RBMS2: variants seen among roughly 807,000 people sequenced by gnomAD.
The protein encoded by RBMS2 is RNA binding motif single stranded interacting protein 2.
In RBMS2, 38 loss-of-function variants were observed where a neutral mutation model predicts 58.4. That is an observed-to-expected ratio of 0.65 (90% CI 0.50 to 0.85). RBMS2 has a LOEUF of 0.85. Among genes scored for constraint, RBMS2 ranks in the 40% least tolerant of loss-of-function variants. The pLI, the probability that RBMS2 is intolerant of heterozygous loss-of-function variation, is 0.00. For missense variants in RBMS2, 367 were observed against 503.7 expected, an observed-to-expected ratio of 0.73 and a Z score of 2.60; for synonymous variants, 151 against 180.7, an observed-to-expected ratio of 0.84 and a Z score of 1.32.
In RBMS2 at chr12:56,581,828, T is replaced by G. The variant is rs181611123; in HGVS notation, c.733-5T>G. 3 of 1,614,186 alleles carry G rather than the reference T, an allele frequency of 1.9e-6. No individual in the cohort carries two copies. Among genetic ancestry groups the G allele is most frequent in the Non-Finnish European group, 2.5e-6 (3 of 1,180,016 alleles). ...CAATGTGAACACTGTGTTCTTTCTT[T>G]ATAGGGCGTCATGGCCTTGACCTAT... is the stretch of plus-strand genomic sequence containing the variant. On this transcript the variant is annotated splice_region_variant and splice_polypyrimidine_tract_variant and intron_variant, in intron 7 of 13. Transcript: ENST00000262031.
chr12:56,551,167 C>G (rs964990591), intron 1 of RBMS2, among the ~76,000 whole-genome samples: 1 of 151,890 alleles, frequency 6.6e-6, no homozygotes, highest in Admixed American at 6.6e-5. Context: ...GCTCTAACAT[C>G]CATCAATTTG....
At chr12:56,562,824 A>T (rs1328674585) in intron 2 of RBMS2, among the ~76,000 whole-genome samples, 1 of 152,112 alleles carries the variant, frequency 6.6e-6, no homozygotes. Context: ...GCCTCTTAAA[A>T]AATTCTACCT....
intron 1 of RBMS2, among the ~76,000 whole-genome samples, chr12:56,549,062 G>A (rs1480714907): frequency 6.6e-6 from 1 of 152,132 alleles, no homozygotes; most frequent in Non-Finnish European, 1.5e-5. Flanking sequence ...AGGCTGGAAT[G>A]ATCTCGGCTC....
intron 1 of RBMS2, among the ~76,000 whole-genome samples, chr12:56,524,974 G>A (rs911588068): frequency 2.6e-5 from 4 of 151,688 alleles, no homozygotes; most frequent in East Asian, 3.9e-4. Context: ...TGCCTGCCTC[G>A]GCCTCCCAAA....
At chr12:56,564,259 A>G (rs929941278) in intron 2 of RBMS2, among the ~76,000 whole-genome samples, 3 of 151,974 alleles carry the variant, frequency 2.0e-5, no homozygotes, top group Admixed American at 6.6e-5. Context: ...TCAGAGAAGA[A>G]TCTTGATTAG....
intron 1 of RBMS2, among the ~76,000 whole-genome samples, chr12:56,561,604 T>C (rs1880397523): frequency 6.6e-6 from 1 of 151,668 alleles, no homozygotes; most frequent in South Asian, 2.1e-4. Flanking sequence ...CCTCCCAGAT[T>C]CACGCCATTC....
chr12:56,588,645 G>C, intron 12 of RBMS2: 1 of 588,500 alleles, frequency 1.7e-6, no homozygotes, highest in East Asian at 2.8e-5. Flanking sequence ...GCAGATGTAG[G>C]AAAGAAGGAC....
At chr12:56,563,352 C>G (rs1054458647) in intron 2 of RBMS2, among the ~76,000 whole-genome samples, 1 of 152,096 alleles carries the variant, frequency 6.6e-6, no homozygotes, top group Non-Finnish European at 1.5e-5. Flanking sequence ...CATGAGAGAG[C>G]TGGCAGTGGG....
At chr12:56,587,489 G>C (rs940534325) in intron 10 of RBMS2, 65 bp from the exon 11 acceptor site, 3 of 1,536,164 alleles carry the variant, frequency 2.0e-6, no homozygotes, top group Admixed American at 1.9e-5. Context: ...GACAGCCACC[G>C]ATCACTGCTT....
At chr12:56,548,244 C>T (rs1030437279) in intron 1 of RBMS2, among the ~76,000 whole-genome samples, 4 of 151,718 alleles carry the variant, frequency 2.6e-5, no homozygotes, top group African/African-American at 4.8e-5. Context: ...GTCAGGAGTT[C>T]GAGACCAGCC....
chr12:56,524,569 C>T (rs1443127314), intron 1 of RBMS2, among the ~76,000 whole-genome samples: 1 of 151,830 alleles, frequency 6.6e-6, no homozygotes, highest in Non-Finnish European at 1.5e-5. Context: ...AGTGCCACCA[C>T]ACCCGGACAA....
intron 9 of RBMS2, among the ~76,000 whole-genome samples, chr12:56,582,801 T>A (rs1191548982): frequency 6.6e-6 from 1 of 152,208 alleles, no homozygotes; most frequent in East Asian, 1.9e-4. Flanking sequence ...CTGGAGTACC[T>A]GGGATTACAG....
chr12:56,553,423 G>A (rs557849820), intron 1 of RBMS2, among the ~76,000 whole-genome samples: 15 of 152,138 alleles, frequency 9.9e-5, no homozygotes, highest in African/African-American at 3.6e-4. Context: ...CCGCCTCCCA[G>A]GTTTAAGCAA....
intron 1 of RBMS2, among the ~76,000 whole-genome samples, chr12:56,557,799 CG>C (rs1879503072): frequency 6.8e-6 from 1 of 147,828 alleles, no homozygotes; most frequent in Non-Finnish European, 1.5e-5. Flanking sequence ...AGTGCAATGG[CG>C]CGATGTCAGC....
intron 1 of RBMS2, among the ~76,000 whole-genome samples, chr12:56,536,232 C>T (rs186371245): frequency 0.011 from 1,611 of 148,102 alleles, 12 homozygotes; most frequent in South Asian, 0.014. Context: ...AAAAAAATCC[C>T]AGCACTCTGG....
rs1220202411 is a variant in RBMS2, at chr12:56,571,864, G to A, written c.542+9G>A. ...GGTGTTGGCTTTGCAAGGTGAGGAT[G>A]GCAGGAGTGGGGAAATGATGAGGTT... On this transcript the variant is annotated intron_variant, in intron 5 of 13. Coordinates refer to ENST00000262031, the MANE Select transcript of RBMS2 (RefSeq NM_002898.4). The A allele has an allele frequency of 1.2e-5, 19 of 1,524,440 alleles. No homozygotes were observed. The highest frequency in any genetic ancestry group is 1.7e-5 in the Non-Finnish European group (19 of 1,131,072). The allele number at this position is 1,524,440 out of a possible 1,614,324, so 94.4% of individuals were successfully genotyped here.
chr12:56,579,220 G>A (rs1383215256), intron 5 of RBMS2, among the ~76,000 whole-genome samples: 3 of 152,080 alleles, frequency 2.0e-5, no homozygotes, highest in African/African-American at 4.8e-5. Flanking sequence ...AATGCTCCAC[G>A]GCCTGCTTAC....
At chr12:56,572,935 C>G in intron 5 of RBMS2, 1 of 985,098 alleles carries the variant, frequency 1.0e-6, no homozygotes, top group Non-Finnish European at 1.2e-6. Context: ...TCCCAGGTGC[C>G]CTTCTTTGGG....
intron 5 of RBMS2, among the ~76,000 whole-genome samples, chr12:56,579,790 A>G (rs1883658218): frequency 6.6e-6 from 1 of 152,212 alleles, no homozygotes; most frequent in African/African-American, 2.4e-5. Flanking sequence ...CTTGTTCTAT[A>G]TAGTCCCTTA....
Sources: gnomAD v4.1 joint callset for allele counts (sites outside exome capture counted in the v4.1 genomes callset) on GRCh38, gnomAD v4.1.1 for gene constraint, MANE v1.5 for transcripts, NCBI Gene and HGNC (gene_info 2026-07-23, HGNC 2026-07-21) for gene names.